DLGAP2: variants seen among roughly 807,000 people sequenced by gnomAD.
DLGAP2 encodes DLG associated protein 2.
Under a neutral mutation model 100.3 loss-of-function variants are expected in DLGAP2, and 26 were observed. The ratio of observed to expected loss-of-function variants is 0.26; its 90% CI spans 0.19 to 0.36. The LOEUF (loss-of-function observed/expected upper bound fraction) is 0.36. DLGAP2 is among the 10% of genes least tolerant of loss of function. The pLI is 1.00. For synonymous variants in DLGAP2, 886 were observed against 630.1 expected, an observed-to-expected ratio of 1.41 and a Z score of -6.08; for missense variants, 1,858 against 1,453.2, an observed-to-expected ratio of 1.28 and a Z score of -4.53.
intron 3 of DLGAP2, among the ~76,000 whole-genome samples, chr8:1,370,108 G>T (rs1802202360): frequency 6.6e-6 from 1 of 152,126 alleles, no homozygotes; most frequent in Non-Finnish European, 1.5e-5. Flanking sequence ...TCTCCCACAG[G>T]TCTTCGGATA....
chr8:1,267,806 T>C (rs955942127), intron 3 of DLGAP2, among the ~76,000 whole-genome samples: 1 of 151,996 alleles, frequency 6.6e-6, no homozygotes, highest in African/African-American at 2.4e-5. Flanking sequence ...TGTCCCACGC[T>C]GAGCTCAGTG....
At chr8:1,373,389 C>G (rs913685030) in intron 3 of DLGAP2, among the ~76,000 whole-genome samples, 18 of 152,116 alleles carry the variant, frequency 1.2e-4, no homozygotes, top group African/African-American at 4.3e-4. Context: ...ACGCAGAGCC[C>G]TGTGCCGCTT....
At chr8:1,572,163 A>G (rs1303435918) in intron 6 of DLGAP2, among the ~76,000 whole-genome samples, 8 of 111,262 alleles carry the variant, frequency 7.2e-5, no homozygotes, top group South Asian at 3.5e-4. Flanking sequence ...AGAGAGGGTG[A>G]ACTGTGGGGG....
At chr8:878,380 A>G (rs892536443) in intron 1 of DLGAP2, among the ~76,000 whole-genome samples, 2 of 152,196 alleles carry the variant, frequency 1.3e-5, no homozygotes, top group Non-Finnish European at 2.9e-5. Flanking sequence ...AGTTCAGAAA[A>G]TTCTTGATGA....
chr8:1,221,581 T>C (rs1798315319), intron 2 of DLGAP2, among the ~76,000 whole-genome samples: 1 of 152,140 alleles, frequency 6.6e-6, no homozygotes, highest in African/African-American at 2.4e-5. Flanking sequence ...TCCTGGGGAT[T>C]GTCGTCTTGT....
chr8:900,230 C>G (rs1798223545), intron 1 of DLGAP2, among the ~76,000 whole-genome samples: 1 of 150,532 alleles, frequency 6.6e-6, no homozygotes. Flanking sequence ...GGTGGGCGCC[C>G]TGCTCTTCAG....
At chr8:885,723 G>T (rs535444659) in intron 1 of DLGAP2, among the ~76,000 whole-genome samples, 2 of 152,142 alleles carry the variant, frequency 1.3e-5, no homozygotes, top group Non-Finnish European at 2.9e-5. Flanking sequence ...AATGCTTCCA[G>T]CTTTTGCTCA....
intron 2 of DLGAP2, among the ~76,000 whole-genome samples, chr8:1,051,002 T>C (rs1431196648): frequency 2.0e-5 from 2 of 102,078 alleles, no homozygotes; most frequent in Non-Finnish European, 4.1e-5. Context: ...GTGGGAGTCA[T>C]TTTGTGGTGG....
intron 3 of DLGAP2, among the ~76,000 whole-genome samples, chr8:1,325,241 C>T (rs970954308): frequency 6.6e-6 from 1 of 152,210 alleles, no homozygotes; most frequent in Non-Finnish European, 1.5e-5. Flanking sequence ...ACAGTCATTC[C>T]ACGACCCCAA....
At chr8:1,221,603 C>T (rs988470659) in intron 2 of DLGAP2, among the ~76,000 whole-genome samples, 1 of 152,070 alleles carries the variant, frequency 6.6e-6, no homozygotes. Flanking sequence ...TATTATCTCT[C>T]AGGGGTTCTC....
intron 2 of DLGAP2, among the ~76,000 whole-genome samples, chr8:1,024,915 G>C (rs144316753): frequency 1.3e-5 from 2 of 152,320 alleles, no homozygotes; most frequent in South Asian, 4.1e-4. Flanking sequence ...GAACCTTGGC[G>C]TGGCAGAGTC....
At chr8:1,253,437 G>T (rs894748054) in intron 2 of DLGAP2, among the ~76,000 whole-genome samples, 3 of 152,254 alleles carry the variant, frequency 2.0e-5, no homozygotes, top group Non-Finnish European at 4.4e-5. Flanking sequence ...CATGCGCTCG[G>T]CTTCACAGAC....
At chr8:999,200 T>A (rs115401005) in intron 2 of DLGAP2, among the ~76,000 whole-genome samples, 2 of 151,972 alleles carry the variant, frequency 1.3e-5, no homozygotes, top group African/African-American at 4.8e-5. Context: ...ACGCCAGAGA[T>A]ACTTTCTCCT....
chr8:1,507,116 C>G (rs1563190008), intron 4 of DLGAP2, among the ~76,000 whole-genome samples: 1 of 152,240 alleles, frequency 6.6e-6, no homozygotes, highest in Non-Finnish European at 1.5e-5. Context: ...CTAGCGGATC[C>G]TGCGCTGGGG....
At chr8:1,683,880 G>A (rs866352693) in intron 12 of DLGAP2, among the ~76,000 whole-genome samples, 8 of 108,156 alleles carry the variant, frequency 7.4e-5, no homozygotes, top group South Asian at 3.4e-4. Flanking sequence ...GTGTGTGTGT[G>A]TGTGTGTGTG....
intron 1 of DLGAP2, among the ~76,000 whole-genome samples, chr8:884,566 T>C (rs933077842): frequency 5.9e-5 from 9 of 152,216 alleles, no homozygotes; most frequent in African/African-American, 2.2e-4. Flanking sequence ...AAAAATTTTC[T>C]CCCATTCTGT....
At chr8:1,272,901 G>T (rs1799611342) in intron 3 of DLGAP2, among the ~76,000 whole-genome samples, 7 of 152,130 alleles carry the variant, frequency 4.6e-5, no homozygotes, top group Admixed American at 4.6e-4. Flanking sequence ...AGATTTTCAT[G>T]GAGATTCATG....
At chr8:1,252,544 G>T (rs1467143633) in intron 2 of DLGAP2, among the ~76,000 whole-genome samples, 4 of 152,244 alleles carry the variant, frequency 2.6e-5, no homozygotes, top group African/African-American at 9.6e-5. Context: ...GTGGTGTGTT[G>T]TGTTGTCTCA....
chr8:1,100,973 G>A (rs763905499), intron 2 of DLGAP2, among the ~76,000 whole-genome samples: 6 of 152,148 alleles, frequency 3.9e-5, no homozygotes, highest in Non-Finnish European at 5.9e-5. Flanking sequence ...TCTTTTACCC[G>A]CATCACCTGC....
Sources: allele counts gnomAD v4.1 joint callset (sites outside exome capture counted in the v4.1 genomes callset), GRCh38; gene constraint gnomAD v4.1.1; transcripts MANE v1.5; gene names NCBI Gene and HGNC (gene_info 2026-07-23, HGNC 2026-07-21).